Variants in KPNA7 observed in about 807,000 individuals in gnomAD.
KPNA7 encodes importin subunit alpha-8.
In KPNA7, 54 loss-of-function variants were observed where a neutral mutation model predicts 53.7. The ratio of observed to expected loss-of-function variants is 1.01; its 90% CI spans 0.81 to 1.26. The LOEUF is 1.26. Ranked by LOEUF, KPNA7 falls within the 50% of genes most tolerant of loss-of-function variation. KPNA7 has a pLI of 0.00. For missense variants in KPNA7, 640 were observed against 644.5 expected (o/e 0.99, Z 0.07); for synonymous variants, 276 against 259.3 (o/e 1.06, Z -0.62).
In KPNA7 at chr7:99,185,069, G is replaced by T. The variant is rs1484219162; in HGVS notation, c.994C>A (p.Gln332Lys). Residue 332 changes from glutamine to lysine, a missense_variant, in exon 8 of 11, where the codon CAG (glutamine) becomes AAG (lysine). Coordinates refer to ENST00000327442, the MANE Select transcript of KPNA7 (RefSeq NM_001145715.3). ...IDAGMLNVLP[Q>K]LLQHNKPSIQ... ...GAGGGCTTGTTGTGTTGCAGGAGCT[G>T]GGGGAGCACGTTCAGCATACCCGCA... 5 of 1,551,842 alleles carry T rather than the reference G, an allele frequency of 3.2e-6. No individual in the cohort carries two copies. The Admixed American group carries it at 7.8e-5, about 24-fold the overall frequency.
chr7:99,215,449 G>A (rs1000644791), intron 1 of KPNA7, among the ~76,000 whole-genome samples: 15 of 148,950 alleles, frequency 1.0e-4, no homozygotes, highest in African/African-American at 2.9e-4. Flanking sequence ...GCTTGAAGCC[G>A]AGAAAGCTCA....
chr7:99,176,440 GGT>G (rs1798911727), intron 10 of KPNA7, among the ~76,000 whole-genome samples: 1 of 152,122 alleles, frequency 6.6e-6, no homozygotes, highest in Non-Finnish European at 1.5e-5. Flanking sequence ...TGTCGGCAAG[GGT>G]GTGGAGAAAT....
At chr7:99,209,863 C>T (rs1179039884), upstream of KPNA7, among the ~76,000 whole-genome samples, 5 of 151,754 alleles carry the variant, frequency 3.3e-5, no homozygotes, top group African/African-American at 1.2e-4. Context: ...TAAAAATAAG[C>T]TGGGCATGGT....
chr7:99,217,189 G>C (rs1791238336), intron 1 of KPNA7, among the ~76,000 whole-genome samples: 1 of 152,176 alleles, frequency 6.6e-6, no homozygotes, highest in African/African-American at 2.4e-5. Flanking sequence ...CCTCCACCAA[G>C]TTAACCTTTA....
At chr7:99,214,109 G>T (rs1475270238) in intron 1 of KPNA7, among the ~76,000 whole-genome samples, 1 of 152,012 alleles carries the variant, frequency 6.6e-6, no homozygotes. Context: ...CCAATAATCT[G>T]TAACAAGGTC....
At chr7:99,169,358 G>A (rs987235924), downstream of KPNA7, among the ~76,000 whole-genome samples, 2 of 152,126 alleles carry the variant, frequency 1.3e-5, no homozygotes, top group South Asian at 2.1e-4. Flanking sequence ...AGTGGCTCAC[G>A]CCTGTAATCC....
intron 3 of KPNA7, among the ~76,000 whole-genome samples, chr7:99,202,713 T>C (rs1790607000): frequency 6.6e-6 from 1 of 151,922 alleles, no homozygotes; most frequent in Admixed American, 6.6e-5. Context: ...GGCATGATGG[T>C]GAGTGCCTGT....
the KPNA7 span, among the ~76,000 whole-genome samples, chr7:99,163,359 G>GTATATATA: frequency 1.2e-4 from 8 of 66,420 alleles, no homozygotes; most frequent in African/African-American, 4.1e-4. Context: ...ATGAGTGTGT[G>GTATATATA]TATATATATA....
intron 8 of KPNA7, among the ~76,000 whole-genome samples, chr7:99,183,903 T>C (rs996929860): frequency 6.6e-6 from 1 of 152,104 alleles, no homozygotes; most frequent in Admixed American, 6.6e-5. Flanking sequence ...TGGAGTATAG[T>C]GGCATGATCG....
upstream of KPNA7, among the ~76,000 whole-genome samples, chr7:99,212,233 CTTTTTTTTTTTT>C (rs34555248): frequency 2.1e-5 from 1 of 47,158 alleles, no homozygotes; most frequent in Admixed American, 3.8e-4. Flanking sequence ...CACATGTGTC[CTTTTTTTTTTTT>C]TTTTTTTTTT....
the KPNA7 span, among the ~76,000 whole-genome samples, chr7:99,148,165 G>A: frequency 2.0e-5 from 3 of 152,030 alleles, no homozygotes; most frequent in Non-Finnish European, 4.4e-5. Context: ...ATCTTCTAAA[G>A]CTATCTGGAA....
At chr7:99,212,800 A>T (rs1791110346), upstream of KPNA7, among the ~76,000 whole-genome samples, 1 of 151,968 alleles carries the variant, frequency 6.6e-6, no homozygotes, top group Non-Finnish European at 1.5e-5. Context: ...ACTCGGTGGG[A>T]GGATCGCCTG....
intron 10 of KPNA7, among the ~76,000 whole-genome samples, chr7:99,174,075 GAGC>G (rs1480298298): frequency 2.0e-5 from 3 of 152,156 alleles, no homozygotes; most frequent in Non-Finnish European, 4.4e-5. Context: ...AGCAGAAGGT[GAGC>G]AGCAGGCCAG....
chr7:99,211,755 C>T (rs35397579), upstream of KPNA7, among the ~76,000 whole-genome samples: 9,275 of 152,198 alleles, frequency 0.061, 318 homozygotes, highest in South Asian at 0.15. Flanking sequence ...GGTTTCAGAT[C>T]CTGGTGGCTC....
At chr7:99,153,733 C>G in the KPNA7 span, among the ~76,000 whole-genome samples, 929 of 151,898 alleles carry the variant, frequency 6.1e-3, 10 homozygotes, top group African/African-American at 0.021. Context: ...CTTTATGGGG[C>G]CAAGGTGAAA....
chr7:99,202,132 C>T (rs912401966), intron 3 of KPNA7, among the ~76,000 whole-genome samples: 1 of 152,070 alleles, frequency 6.6e-6, no homozygotes, highest in African/African-American at 2.4e-5. Context: ...GTACACATTT[C>T]ATTGATGAAT....
chr7:99,154,434 G>C, the KPNA7 span, among the ~76,000 whole-genome samples: 1 of 151,748 alleles, frequency 6.6e-6, no homozygotes, highest in Non-Finnish European at 1.5e-5. Flanking sequence ...TGGCAAAAAT[G>C]CTTTTTTATT....
chr7:99,156,767 C>T, the KPNA7 span, among the ~76,000 whole-genome samples: 1 of 152,018 alleles, frequency 6.6e-6, no homozygotes, highest in East Asian at 1.9e-4. Context: ...TCAAATGATC[C>T]ACCCCCCTTG....
intron 2 of KPNA7, among the ~76,000 whole-genome samples, chr7:99,204,746 C>T (rs1009544195): frequency 3.9e-5 from 6 of 152,096 alleles, no homozygotes; most frequent in African/African-American, 1.4e-4. Context: ...CATGGTGCTA[C>T]TTGGGAGGCT....
Sources: allele counts gnomAD v4.1 joint callset (sites outside exome capture counted in the v4.1 genomes callset), GRCh38; gene constraint gnomAD v4.1.1; transcripts MANE v1.5; gene names NCBI Gene and HGNC (gene_info 2026-07-23, HGNC 2026-07-21).